DAPK2: variants seen among roughly 807,000 people sequenced by gnomAD.
The protein encoded by DAPK2 is death associated protein kinase 2.
Under a neutral mutation model 44.1 loss-of-function variants are expected in DAPK2, and 35 were observed. That is an observed-to-expected ratio of 0.79 (90% confidence interval 0.61 to 1.05). The LOEUF (loss-of-function observed/expected upper bound fraction) is 1.05. DAPK2 is among the 50% of genes least tolerant of loss of function. The probability of loss-of-function intolerance (pLI) is 0.00; values close to 1 mark genes in which losing one functional copy is unlikely to be tolerated. For synonymous variants in DAPK2, 174 were observed against 182.6 expected, an observed-to-expected ratio of 0.95 and a Z score of 0.38; for missense variants, 453 against 483.2, an observed-to-expected ratio of 0.94 and a Z score of 0.59.
intron 4 of DAPK2, among the ~76,000 whole-genome samples, chr15:63,933,595 GAT>G: frequency 9.6e-6 from 1 of 104,446 alleles, no homozygotes; most frequent in East Asian, 3.8e-4. Flanking sequence ...AGGACAGATT[GAT>G]TTTTTTTTTT....
chr15:64,036,326 T>TATATATATACAC lies in DAPK2; in HGVS notation c.92+3843_92+3844insGTGTATATATAT, dbSNP rs1555484568. On this transcript the variant is annotated intron_variant, in intron 1 of 10. Transcript: ENST00000261891. ...GTGTGTGTGTATATATATGTATATATATATATATATACATATATATATATA... is the reference window on the plus strand; with the variant it reads ...GTGTGTGTGTATATATATGTATATATATATATATACACATATATATATACATATATATATATA... 5.3e-4 allele frequency among the ~76,000 whole-genome samples: 58 copies of TATATATATACAC among 109,706 alleles called. 1 individual carries two copies. The highest frequency in any genetic ancestry group is 1.7e-3 in the African/African-American group (56 of 33,676). 72.0% of individuals were successfully genotyped at this position (109,706 alleles called of 152,430 possible).
Position 63,912,834 on chromosome 15 carries a change from T to C in DAPK2, c.859-637A>G, listed in dbSNP as rs1042735276. 6.6e-6 allele frequency among the ~76,000 whole-genome samples: 1 copy of C among 152,170 alleles called. No homozygotes were observed. The highest frequency in any genetic ancestry group is 2.4e-5 in the African/African-American group (1 of 41,444). On this transcript the variant is annotated intron_variant, in intron 8 of 10. Coordinates refer to ENST00000261891, the Ensembl canonical transcript of DAPK2. This position sits in a 1 kb window ranked among gnomAD's most constrained non-coding sequence, Gnocchi z 4.4. Reference sequence around the variant, plus strand: ...ATTATATGATCATGCATATATAAAGTGCTTAGCCCAGCACCACTCAATAAA... The same window carrying C: ...ATTATATGATCATGCATATATAAAGCGCTTAGCCCAGCACCACTCAATAAA...
At chr15:63,932,856 C>T (rs181388813) in intron 4 of DAPK2, among the ~76,000 whole-genome samples, 40 of 152,300 alleles carry the variant, frequency 2.6e-4, no homozygotes, top group Admixed American at 5.2e-4. Context: ...TATTTTTTCA[C>T]TGAACATTTA....
At chr15:64,026,958 T>G (rs560358618) in intron 1 of DAPK2, among the ~76,000 whole-genome samples, 13 of 152,290 alleles carry the variant, frequency 8.5e-5, no homozygotes, top group Admixed American at 8.5e-4. Flanking sequence ...GAAAATATAA[T>G]GATGACTTAC....
At chr15:63,962,156 C>A (rs996211367) in intron 3 of DAPK2, among the ~76,000 whole-genome samples, 5 of 152,152 alleles carry the variant, frequency 3.3e-5, no homozygotes, top group Non-Finnish European at 1.5e-5. Flanking sequence ...CTTGTGTATG[C>A]GTCACATAGT....
chr15:63,976,049 C>T (rs2140789763), intron 2 of DAPK2, among the ~76,000 whole-genome samples: 1 of 152,302 alleles, frequency 6.6e-6, no homozygotes, highest in South Asian at 2.1e-4. Flanking sequence ...ATAATCTTAG[C>T]ATCATGAAAA....
rs981151609 is a variant in DAPK2, at chr15:63,990,346, T to C, written c.93-6592A>G. On this transcript the variant is annotated intron_variant, in intron 1 of 10. Coordinates refer to ENST00000261891, the Ensembl canonical transcript of DAPK2. This position sits in a 1 kb window ranked among gnomAD's most constrained non-coding sequence, Gnocchi z 4.3. ...CGAAGGGTGAAGCACAATAATTGTTTGAACCTGGGAGGTGGAGGTTGCAGT... is the reference window on the plus strand; with the variant it reads ...CGAAGGGTGAAGCACAATAATTGTTCGAACCTGGGAGGTGGAGGTTGCAGT... 6.6e-6 allele frequency among the ~76,000 whole-genome samples: 1 copy of C among 152,076 alleles called. No homozygotes were observed.
At chr15:63,950,392 A>T (rs565750502) in intron 3 of DAPK2, among the ~76,000 whole-genome samples, 1 of 144,596 alleles carries the variant, frequency 6.9e-6, no homozygotes, top group Non-Finnish European at 1.5e-5. Flanking sequence ...ATTAAAAAAC[A>T]TTTTTTTTTT....
At chr15:63,909,552 A>G (rs962924171) in intron 10 of DAPK2, 1 of 152,246 alleles carries the variant, frequency 6.6e-6, no homozygotes, top group Non-Finnish European at 1.5e-5. Flanking sequence ...CTGTAATCCC[A>G]GCACTTTGGG....
At chr15:63,922,003 G>T (rs2079086568) in intron 8 of DAPK2, 1 of 152,278 alleles carries the variant, frequency 6.6e-6, no homozygotes, top group Non-Finnish European at 1.5e-5. Context: ...TATTAAGGTA[G>T]ATATTTACAG....
chr15:64,007,792 G>A (rs192153736), intron 1 of DAPK2, among the ~76,000 whole-genome samples: 76 of 152,312 alleles, frequency 5.0e-4, no homozygotes, highest in African/African-American at 1.8e-3. Flanking sequence ...CTAGTGAATA[G>A]ATGAACAAAA....
intron 3 of DAPK2, among the ~76,000 whole-genome samples, chr15:63,944,068 GC>G (rs1247636572): frequency 6.6e-5 from 10 of 152,088 alleles, no homozygotes; most frequent in African/African-American, 1.9e-4. Flanking sequence ...CCCATCCCTG[GC>G]CTCAGGAGCT....
intron 2 of DAPK2, among the ~76,000 whole-genome samples, chr15:63,977,430 C>T (rs1440543660): frequency 3.9e-5 from 6 of 152,226 alleles, no homozygotes; most frequent in African/African-American, 1.4e-4. Context: ...GGCTCCAATC[C>T]TTCAGCAGCA....
At chr15:63,959,915 T>C (rs11855952) in intron 3 of DAPK2, among the ~76,000 whole-genome samples, 3 of 152,238 alleles carry the variant, frequency 2.0e-5, no homozygotes, top group African/African-American at 7.2e-5. Context: ...ATTGGAATAG[T>C]TTCAGAAGGA....
At position 63,912,164 on chromosome 15, in the gene DAPK2, C is replaced by T. The variant is rs370209874; in HGVS notation, c.892G>A (p.Glu298Lys). 86 of 1,612,216 alleles carry T rather than the reference C, an allele frequency of 5.3e-5. No individual in the cohort carries two copies. Among genetic ancestry groups the T allele is most frequent in the Admixed American group, 1.2e-4 (7 of 59,896 alleles). The change falls in exon 9 of 11, where the codon GAG becomes AAG. Residue 298 changes from glutamate (E) to lysine (K), a missense_variant. Physicochemically the swap from Glu to Lys is moderately conservative, Grantham distance 56 (BLOSUM62 1). Coordinates refer to ENST00000261891, the Ensembl canonical transcript of DAPK2. This position sits in a 1 kb window ranked among gnomAD's most constrained non-coding sequence, Gnocchi z 4.4. The stretch of plus-strand genomic sequence containing the variant: ...AAGTTCTCCAGATTGACCACAGACT[C>T]CCTGCGCACCATGGCTTGCTGGTTG...
intron 6 of DAPK2, among the ~76,000 whole-genome samples, chr15:63,929,305 G>A (rs139208558): frequency 3.1e-4 from 47 of 152,262 alleles, no homozygotes; most frequent in African/African-American, 1.1e-3. Context: ...GAGGAATGCA[G>A]ACACAGGTTG....
chr15:63,986,934 A>G (rs1226262869), intron 1 of DAPK2, among the ~76,000 whole-genome samples: 1 of 152,048 alleles, frequency 6.6e-6, no homozygotes, highest in Non-Finnish European at 1.5e-5. Flanking sequence ...CTAGTTCCTC[A>G]TTTTCAGTAT....
chr15:63,973,946 C>T (rs954629173), intron 2 of DAPK2, among the ~76,000 whole-genome samples: 1 of 152,176 alleles, frequency 6.6e-6, no homozygotes, highest in Admixed American at 6.5e-5. Flanking sequence ...CCAAAGCCCC[C>T]TTTCTTCAAT....
At chr15:64,006,362 G>C (rs2079230066) in intron 1 of DAPK2, among the ~76,000 whole-genome samples, 1 of 152,114 alleles carries the variant, frequency 6.6e-6, no homozygotes, top group South Asian at 2.1e-4. Flanking sequence ...TAAGCCCCCA[G>C]ACTGACCAGC....
Sources: gnomAD v4.1 joint callset for allele counts (sites outside exome capture counted in the v4.1 genomes callset) on GRCh38, gnomAD v4.1.1 for gene constraint, Gnocchi (gnomAD v3.1) non-coding constraint, MANE v1.5 for transcripts, NCBI Gene and HGNC (gene_info 2026-07-23, HGNC 2026-07-21) for gene names.